The following IFNLR1 variants were observed in gnomAD, a reference collection of about 807,000 sequenced individuals.
The protein encoded by IFNLR1 is CRF2-12.
In IFNLR1, 28 loss-of-function variants were observed where a neutral mutation model predicts 52.5. That is an observed-to-expected ratio of 0.53 (90% CI 0.40 to 0.73). The LOEUF is 0.73. IFNLR1 is among the 30% of genes least tolerant of loss of function. The pLI is 0.00. For missense variants in IFNLR1, 623 were observed against 659.1 expected (o/e 0.95, Z 0.60); for synonymous variants, 276 against 274.9 (o/e 1.00, Z -0.04).
At position 24,167,031 on chromosome 1, in the gene IFNLR1, G is replaced by C. The variant is rs74444385; in HGVS notation, c.367+2386C>G. Among the ~76,000 whole-genome samples, 1,487 of 152,278 alleles carry C rather than the reference G, an allele frequency of 9.8e-3. 18 individuals carry two copies. The highest frequency in any genetic ancestry group is 0.035 in the African/African-American group (1,436 of 41,528). ...GTGATGATCTGTCCTCACCAGTGTG[G>C]GCAGGCATCATCCAATCCACTGACG... On this transcript the variant is annotated intron_variant, in intron 3 of 6. Transcript: ENST00000327535.
rs75795266 is a variant in IFNLR1 at position 24,185,852 on chromosome 1, A to T, written c.58+1339T>A. On this transcript the variant is annotated intron_variant, in intron 1 of 6. Transcript: ENST00000327535. ...TTGGCTCTTTACATGTAAAACCTCAATCACCCTTGGGACAGACCACCCTAT... is the reference window on the plus strand; with the variant it reads ...TTGGCTCTTTACATGTAAAACCTCATTCACCCTTGGGACAGACCACCCTAT... 6.2e-3 allele frequency among the ~76,000 whole-genome samples: 950 copies of T among 152,252 alleles called. 42 individuals are homozygous for T. The East Asian group carries it at 0.12, about 20-fold the overall frequency.
chr1:24,159,074 C>T lies in IFNLR1; in HGVS notation c.779G>A (p.Arg260Gln), dbSNP rs140780438. The change falls in exon 6 of 7, where the codon CGG (arginine) becomes CAG (glutamine). Residue 260 changes from arginine (R) to glutamine (Q), a missense_variant. By Grantham distance (43) the Arg-to-Gln change is conservative (BLOSUM62 1). Coordinates refer to ENST00000327535, the MANE Select transcript of IFNLR1 (RefSeq NM_170743.4). ...KTLMGNPWFQRAKMPRALDFS... is the reference protein window; with the variant it reads ...KTLMGNPWFQQAKMPRALDFS... ...TACCAGGGCCCGTGGCATCTTTGCCCGCTGAAACCAGGGGTTCCCCATGAG... is the reference window on the plus strand; with the variant it reads ...TACCAGGGCCCGTGGCATCTTTGCCTGCTGAAACCAGGGGTTCCCCATGAG... 3.9e-4 allele frequency: 633 copies of T among 1,614,148 alleles called. 9 individuals carry two copies. The East Asian group carries it at 9.7e-3, about 25-fold the overall frequency.
intron 5 of IFNLR1, 138 bp from the exon 6 acceptor site, chr1:24,159,320 G>T: frequency 7.7e-7 from 1 of 1,306,646 alleles, no homozygotes; most frequent in Non-Finnish European, 1.1e-6. Flanking sequence ...GCAAACCAAG[G>T]TTTGGGGCAT....
At position 24,162,788 on chromosome 1, in the gene IFNLR1, T is replaced by TTTTC. The variant is rs1557643983; in HGVS notation, c.368-1108_368-1105dup. 5.7e-5 allele frequency among the ~76,000 whole-genome samples: 4 copies of TTTTC among 70,780 alleles called. 1 individual carries two copies. The highest frequency in any genetic ancestry group is 2.2e-4 in the African/African-American group (4 of 18,088). 46.4% of individuals were successfully genotyped at this position (70,780 alleles called of 152,430 possible). A position where few individuals can be genotyped will look rare whatever the true frequency, so the allele number is the denominator to read the frequency against. ...TCTTTCTTTCTTTCTTTTTCTTTCT[T>TTTTC]TTTCTTTCTTTCTTTTTTCTTTCTT... On this transcript the variant is annotated intron_variant, in intron 3 of 6. Coordinates refer to ENST00000327535, the MANE Select transcript of IFNLR1 (RefSeq NM_170743.4).
chr1:24,182,053 A>G (rs563314955), intron 1 of IFNLR1, among the ~76,000 whole-genome samples: 22 of 152,286 alleles, frequency 1.4e-4, no homozygotes, highest in African/African-American at 4.6e-4. Flanking sequence ...TGCAAAAATT[A>G]GCAGAACATG....
intron 3 of IFNLR1, among the ~76,000 whole-genome samples, chr1:24,169,106 A>C (rs1644550990): frequency 6.6e-6 from 1 of 152,238 alleles, no homozygotes; most frequent in South Asian, 2.1e-4. Flanking sequence ...AGGAATAAGC[A>C]TATAAAGTGC....
intron 5 of IFNLR1, 26 bp from the exon 6 acceptor site, chr1:24,159,208 A>G: frequency 1.2e-6 from 2 of 1,613,526 alleles, no homozygotes; most frequent in Non-Finnish European, 8.5e-7. Context: ...TAACAATGAG[A>G]GAAACAACAA....
At chr1:24,184,186 C>T (rs112176645) in intron 1 of IFNLR1, among the ~76,000 whole-genome samples, 4,193 of 152,246 alleles carry the variant, frequency 0.028, 183 homozygotes, top group African/African-American at 0.096. Flanking sequence ...ACGCTGTTCC[C>T]TCATGCTGTT....
In IFNLR1 at chr1:24,169,622, G is replaced by C. The variant is rs181202623; in HGVS notation, c.183-21C>G. On this transcript the variant is annotated intron_variant, in intron 2 of 6. Coordinates refer to ENST00000327535, the MANE Select transcript of IFNLR1 (RefSeq NM_170743.4). ...GAGAGCTGGGGGAGGAGAGAGGAGA[G>C]CTTGGGCCATGGACTCAGCCTCTCC... 5.0e-6 allele frequency: 8 copies of C among 1,606,454 alleles called. No individual in the cohort carries two copies. The Admixed American group carries it at 5.1e-5, about 10-fold the overall frequency.
chr1:24,170,134 C>T (rs550148779), intron 2 of IFNLR1, among the ~76,000 whole-genome samples: 2 of 152,276 alleles, frequency 1.3e-5, no homozygotes, highest in African/African-American at 2.4e-5. Flanking sequence ...GAAGACGCAG[C>T]GAGAAGGCAC....
intron 2 of IFNLR1, among the ~76,000 whole-genome samples, chr1:24,177,374 G>A (rs1042853451): frequency 2.0e-5 from 3 of 152,220 alleles, no homozygotes; most frequent in African/African-American, 7.2e-5. Flanking sequence ...CCTTCAGTCT[G>A]TGACCAAAGA....
In IFNLR1 at chr1:24,163,581, T is replaced by TTC. The variant is rs201243688; in HGVS notation, c.368-1898_368-1897insGA. Among the ~76,000 whole-genome samples the TTC allele has an allele frequency of 4.3e-3, 227 of 52,614 alleles. 2 individuals are homozygous for TTC. The highest frequency in any genetic ancestry group is 9.0e-3 in the Admixed American group (50 of 5,556). The allele number at this position is 52,614 out of a possible 152,430, so 34.5% of individuals were successfully genotyped here. A position where few individuals can be genotyped will look rare whatever the true frequency, so the allele number is the denominator to read the frequency against. The stretch of plus-strand genomic sequence containing the variant: ...CCACCCAAAATCCACATCTCTTTCT[T>TTC]TTTTCTTTTTTTTTTTAGATGGAGT... On this transcript the variant is annotated intron_variant, in intron 3 of 6. Transcript: ENST00000327535.
chr1:24,184,825 C>T (rs1203243166), intron 1 of IFNLR1, among the ~76,000 whole-genome samples: 1 of 152,108 alleles, frequency 6.6e-6, no homozygotes, highest in Non-Finnish European at 1.5e-5. Flanking sequence ...TTGAGACCAG[C>T]CTGGCCAACA....
intron 1 of IFNLR1, among the ~76,000 whole-genome samples, chr1:24,183,773 A>C (rs2148604743): frequency 6.6e-6 from 1 of 152,310 alleles, no homozygotes; most frequent in South Asian, 2.1e-4. Context: ...GCTGCCACCC[A>C]GGCTGGAGTA....
At chr1:24,166,207 T>TCCATCCATCCA in intron 3 of IFNLR1, among the ~76,000 whole-genome samples, 1 of 146,158 alleles carries the variant, frequency 6.8e-6, no homozygotes, top group African/African-American at 2.8e-5. Context: ...CCATCCATCC[T>TCCATCCATCCA]TCCTTCCTTC....
chr1:24,159,562 G>C lies in IFNLR1; in HGVS notation c.582C>G (p.His194Gln), dbSNP rs1395094671. Residue 194 changes from histidine to glutamine, a missense_variant, in exon 5 of 7, where the codon CAC becomes CAG. By Grantham distance (24) the His-to-Gln change is conservative (BLOSUM62 0). Coordinates refer to ENST00000327535, the MANE Select transcript of IFNLR1 (RefSeq NM_170743.4). ...ITLQPAASEH[H>Q]CLSARTIYTF... Reference sequence around the variant, plus strand: ...TGTAGATGGTTCTGGCACTGAGGCAGTGGTGTTCGCTGGCAGCTGGCTGGA... The same window carrying C: ...TGTAGATGGTTCTGGCACTGAGGCACTGGTGTTCGCTGGCAGCTGGCTGGA... 1.2e-6 allele frequency: 2 copies of C among 1,613,706 alleles called. No individual in the cohort carries two copies. Among genetic ancestry groups the C allele is most frequent in the South Asian group, 2.2e-5 (2 of 91,062 alleles).
chr1:24,162,707 TTTTCTTTCTTTCTTTC>T (rs1205063032), intron 3 of IFNLR1, among the ~76,000 whole-genome samples: 101 of 22,180 alleles, frequency 4.6e-3, no homozygotes, highest in African/African-American at 0.016. Context: ...TTTTCTTTTC[TTTTCTTTCTTTCTTTC>T]TTTTCTTTCT....
chr1:24,157,917 C>A lies in IFNLR1; in HGVS notation c.802-26G>T. 6.6e-7 allele frequency: 1 copy of A among 1,522,500 alleles called. No individual in the cohort carries two copies. 94.3% of individuals were successfully genotyped at this position (1,522,500 alleles called of 1,614,324 possible). A position where few individuals can be genotyped will look rare whatever the true frequency, so the allele number is the denominator to read the frequency against. ...CTGATTTGGGTAGGGGAGAGAAAAG[C>A]AGAAAATTTAGGCTTTCCTGAAGCA... On this transcript the variant is annotated intron_variant, in intron 6 of 6. Coordinates refer to ENST00000327535, the MANE Select transcript of IFNLR1 (RefSeq NM_170743.4). The surrounding 1 kb of genome is among the most constrained non-coding windows in gnomAD (Gnocchi z 5.1).
At chr1:24,178,728 G>A (rs1207578664) in intron 2 of IFNLR1, among the ~76,000 whole-genome samples, 1 of 152,008 alleles carries the variant, frequency 6.6e-6, no homozygotes, top group African/African-American at 2.4e-5. Flanking sequence ...GAGATGATAA[G>A]GAACCAATTC....
Sources: allele counts gnomAD v4.1 joint callset (sites outside exome capture counted in the v4.1 genomes callset), GRCh38; gene constraint gnomAD v4.1.1; non-coding constraint Gnocchi (gnomAD v3.1); transcripts MANE v1.5; gene names NCBI Gene and HGNC (gene_info 2026-07-23, HGNC 2026-07-21).